The following GMIP variants were observed in gnomAD, a reference collection of about 807,000 sequenced individuals.
GMIP encodes the protein GEM-interacting protein.
Under a neutral mutation model 105.3 loss-of-function variants are expected in GMIP, and 54 were observed. The ratio of observed to expected loss-of-function variants is 0.51; its 90% CI spans 0.41 to 0.64. The LOEUF (loss-of-function observed/expected upper bound fraction) is 0.64, where lower values mean the gene tolerates loss of function less well. GMIP is among the 30% of genes least tolerant of loss of function. GMIP has a pLI of 0.00. For synonymous variants in GMIP, 541 were observed against 560.8 expected (o/e 0.96, Z 0.50); for missense variants, 1,110 against 1,319.4 (o/e 0.84, Z 2.46).
chr19:19,629,844 G>T lies in GMIP; in HGVS notation c.*119C>A. The T allele has an allele frequency of 1.0e-6, 1 of 1,000,530 alleles. No individual in the cohort carries two copies. Among genetic ancestry groups the T allele is most frequent in the Non-Finnish European group, 1.4e-6 (1 of 691,260 alleles). The allele number at this position is 1,000,530 out of a possible 1,614,324, so 62.0% of individuals were successfully genotyped here. A position where few individuals can be genotyped will look rare whatever the true frequency, so the allele number is the denominator to read the frequency against. On this transcript the variant is annotated 3_prime_UTR_variant, in exon 21 of 21. Coordinates refer to ENST00000203556, the MANE Select transcript of GMIP (RefSeq NM_016573.4). ...TAGTTTTTCCTTATAGGAACCCTCT[G>T]GACCTCTCCCAGCATTGAACTCCTG...
chr19:19,637,531 C>A lies in GMIP; in HGVS notation c.958G>T (p.Ala320Ser). The change falls in exon 11 of 21, where the codon GCG (alanine) becomes TCG (serine). Residue 320 changes from alanine (A) to serine (S), a missense_variant. Ala to Ser is a moderately conservative substitution (Grantham distance 99). Around this residue, in one of 3 missense-constraint regions of GMIP, gnomAD observed 667 missense variants for 773.2 expected, o/e 0.86. Transcript: ENST00000203556. The surrounding 1 kb of genome is among the most constrained non-coding windows in gnomAD (Gnocchi z 6.7). ...GCGCGGGGGCCACGCTCTGCCTGCG[C>A]CCCCCGCAGCCCGAAGAGACTCAGC... ...VTLSLFGLRG[A>S]QAERGPRAFA... 2.6e-6 allele frequency: 4 copies of A among 1,532,596 alleles called. No individual in the cohort carries two copies. 94.9% of individuals were successfully genotyped at this position (1,532,596 alleles called of 1,614,324 possible).
Position 19,637,541 on chromosome 19 carries a change from C to G in GMIP, c.948G>C (p.Gly316=), listed in dbSNP as rs1187642300. Residue 316 remains glycine (G), a synonymous_variant, in exon 11 of 21, where the codon GGG becomes GGC. Coordinates refer to ENST00000203556, the MANE Select transcript of GMIP (RefSeq NM_016573.4). The surrounding 1 kb of genome is among the most constrained non-coding windows in gnomAD (Gnocchi z 6.7). ...CACGCTCTGCCTGCGCCCCCCGCAG[C>G]CCGAAGAGACTCAGCGTCACCTGCC... The part of the protein sequence containing the change: ...VLRRVTLSLF[G]LRGAQAERGP... 2 of 1,532,330 alleles carry G rather than the reference C, an allele frequency of 1.3e-6. No individual in the cohort carries two copies. The highest frequency in any genetic ancestry group is 1.7e-6 in the Non-Finnish European group (2 of 1,143,066). 94.9% of individuals were successfully genotyped at this position (1,532,330 alleles called of 1,614,324 possible). A position where few individuals can be genotyped will look rare whatever the true frequency, so the allele number is the denominator to read the frequency against.
intron 4 of GMIP, 133 bp downstream of exon 4, chr19:19,641,677 T>G: frequency 4.0e-5 from 30 of 741,170 alleles, no homozygotes; most frequent in Middle Eastern, 3.6e-4. Flanking sequence ...GGGCTGGGAC[T>G]GAGATCTGTT....
intron 13 of GMIP, among the ~76,000 whole-genome samples, chr19:19,636,386 G>A (rs992504445): frequency 6.6e-6 from 1 of 151,706 alleles, no homozygotes; most frequent in Admixed American, 6.6e-5. Flanking sequence ...CAGCCGGCGT[G>A]GTAGTGCACA....
rs2061862614 is a variant in GMIP, at chr19:19,637,041, G to A, written c.1125-12C>T. The A allele has an allele frequency of 1.3e-6, 2 of 1,527,706 alleles. No individual in the cohort carries two copies. The highest frequency in any genetic ancestry group is 2.7e-5 in the African/African-American group (2 of 72,750). The allele number at this position is 1,527,706 out of a possible 1,614,324, so 94.6% of individuals were successfully genotyped here. On this transcript the variant is annotated splice_polypyrimidine_tract_variant and intron_variant, in intron 11 of 20. Coordinates refer to ENST00000203556, the MANE Select transcript of GMIP (RefSeq NM_016573.4). The surrounding 1 kb of genome is among the most constrained non-coding windows in gnomAD (Gnocchi z 6.7). The stretch of plus-strand genomic sequence containing the variant: ...TGTCCAGAGGGGAGCTGAGAAGACA[G>A]AAGTTTGAAGGTTTGAATCCCAGGA...
Position 19,638,057 on chromosome 19 carries a change from C to T in GMIP, c.790G>A (p.Ala264Thr). The T allele has an allele frequency of 6.4e-7, 1 of 1,561,674 alleles. No homozygotes were observed. The highest frequency in any genetic ancestry group is 1.2e-5 in the South Asian group (1 of 84,896). ...TGGTACAGCGCCTCGGCCTCCTGCG[C>T]CTGGGGAAACGGGAGGCCAGGAGCG... ...RRSREEAQAK[A>T]QEAEALYQAC... Residue 264 changes from alanine (A) to threonine (T), a missense_variant and splice_region_variant, in exon 10 of 21, where the codon GCG becomes ACG. Coordinates refer to ENST00000203556, the MANE Select transcript of GMIP (RefSeq NM_016573.4).
At chr19:19,639,778 A>T (rs2144868002) in intron 7 of GMIP, among the ~76,000 whole-genome samples, 1 of 152,212 alleles carries the variant, frequency 6.6e-6, no homozygotes, top group Middle Eastern at 3.4e-3. Flanking sequence ...GAACCCAAGA[A>T]GCGGAGGTTG....
At position 19,637,299 on chromosome 19, in the gene GMIP, G is replaced by A. The variant is rs1209419520; in HGVS notation, c.1124+66C>T. On this transcript the variant is annotated intron_variant, in intron 11 of 20. Transcript: ENST00000203556. This position sits in a 1 kb window ranked among gnomAD's most constrained non-coding sequence, Gnocchi z 6.7. The stretch of plus-strand genomic sequence containing the variant: ...TTCTCTAACCTCGAGTAACCAGCCT[G>A]CGGTGCCAACAGCCTGGCATCGCGA... The A allele has an allele frequency of 9.0e-7, 1 of 1,112,152 alleles. No individual in the cohort carries two copies. Among genetic ancestry groups the A allele is most frequent in the African/African-American group, 1.6e-5 (1 of 62,208 alleles). The allele number at this position is 1,112,152 out of a possible 1,614,324, so 68.9% of individuals were successfully genotyped here. A position where few individuals can be genotyped will look rare whatever the true frequency, so the allele number is the denominator to read the frequency against.
rs927047879 is a variant in GMIP, at chr19:19,635,986, A to G, written c.1328-265T>C. Among the ~76,000 whole-genome samples, 11 of 150,642 alleles carry G rather than the reference A, an allele frequency of 7.3e-5. 1 individual carries two copies. Among genetic ancestry groups the G allele is most frequent in the Non-Finnish European group, 1.6e-4 (11 of 67,616 alleles). The stretch of plus-strand genomic sequence containing the variant: ...TGGGAAGCTGAGGCAGGAGGATCAC[A>G]TGAGGCAAGGAGTTTGACACCAGCC... On this transcript the variant is annotated intron_variant, in intron 13 of 20. Transcript: ENST00000203556. This position sits in a 1 kb window ranked among gnomAD's most constrained non-coding sequence, Gnocchi z 4.7.
rs1299194168 is a variant in GMIP at position 19,636,977 on chromosome 19, C to T, written c.1177G>A (p.Asp393Asn). The change falls in exon 12 of 21, where the codon GAT becomes AAT. Residue 393 changes from aspartate (D) to asparagine (N), a missense_variant. Around this residue, in one of 3 missense-constraint regions of GMIP, gnomAD observed 667 missense variants for 773.2 expected, o/e 0.86. Transcript: ENST00000203556. ...KLSGPLPPRLDENSAEPGPWE... is the reference protein window; with the variant it reads ...KLSGPLPPRLNENSAEPGPWE... ...GGGCCTGGCTCAGCTGAATTCTCAT[C>T]CAGCCTTGGAGGAAGAGGCCCAGAG... 8.8e-6 allele frequency: 14 copies of T among 1,585,032 alleles called. No homozygotes were observed. The highest frequency in any genetic ancestry group is 5.4e-5 in the African/African-American group (4 of 74,366).
rs527954119 is a variant in GMIP at position 19,630,798 on chromosome 19, G to A, written c.2473-261C>T. On this transcript the variant is annotated intron_variant, in intron 19 of 20. Transcript: ENST00000203556. This position sits in a 1 kb window ranked among gnomAD's most constrained non-coding sequence, Gnocchi z 4.8. ...TGACTTTGCACCTACTCTGCACTGG[G>A]TGTGGACTACCATTGAACTCCTCCT... 4.6e-5 allele frequency among the ~76,000 whole-genome samples: 7 copies of A among 152,322 alleles called. No homozygotes were observed. Among genetic ancestry groups the A allele is most frequent in the African/African-American group, 1.7e-4 (7 of 41,576 alleles).
chr19:19,633,853 G>A lies in GMIP; in HGVS notation c.2422C>T (p.Pro808Ser). 6.7e-7 allele frequency: 1 copy of A among 1,501,044 alleles called. No homozygotes were observed. 93.0% of individuals were successfully genotyped at this position (1,501,044 alleles called of 1,614,324 possible). ...TGCTCCAGGGTACTGTGGTGCTGGG[G>A]GTCTGGGCCGGGGTCTGAGGCTAGG... ...PVLASDPGPD[P>S]QHHSTLEQHP... The change falls in exon 19 of 21, where the codon CCC becomes TCC. Residue 808 changes from proline (P) to serine (S), a missense_variant. Physicochemically the swap from Pro to Ser is moderately conservative, Grantham distance 74. Around this residue, in one of 3 missense-constraint regions of GMIP, gnomAD observed 394 missense variants for 450.5 expected, o/e 0.87. Transcript: ENST00000203556.
At chr19:19,643,278 G>T (rs1007093402) in intron 1 of GMIP, 2 of 470,966 alleles carry the variant, frequency 4.2e-6, no homozygotes, top group Non-Finnish European at 3.9e-6. Context: ...CCCCTTCCTG[G>T]GCCCCCTCCC....
At position 19,634,458 on chromosome 19, in the gene GMIP, A is replaced by G. The variant is rs1369928623; in HGVS notation, c.2084+49T>C. The G allele has an allele frequency of 6.7e-7, 1 of 1,484,840 alleles. No homozygotes were observed. The allele number at this position is 1,484,840 out of a possible 1,614,324, so 92.0% of individuals were successfully genotyped here. A position where few individuals can be genotyped will look rare whatever the true frequency, so the allele number is the denominator to read the frequency against. On this transcript the variant is annotated intron_variant, in intron 18 of 20. Transcript: ENST00000203556. The surrounding 1 kb of genome is among the most constrained non-coding windows in gnomAD (Gnocchi z 6.1). The stretch of plus-strand genomic sequence containing the variant: ...GTCAGCCAGGGAAGTTAGTAGTCGC[A>G]TGTCCAGGGAAAAGGGTCGCGTTTC...
At chr19:19,633,408 C>T in intron 19 of GMIP, among the ~76,000 whole-genome samples, 1 of 152,220 alleles carries the variant, frequency 6.6e-6, no homozygotes, top group Non-Finnish European at 1.5e-5. Flanking sequence ...CACCTCATCA[C>T]ATTCCAGATA....
Position 19,641,967 on chromosome 19 carries a change from C to T in GMIP, c.180+9G>A. The T allele has an allele frequency of 6.2e-7, 1 of 1,610,022 alleles. No homozygotes were observed. The highest frequency in any genetic ancestry group is 8.5e-7 in the Non-Finnish European group (1 of 1,176,372). The stretch of plus-strand genomic sequence containing the variant: ...GGTCTTCCTCCCTGTTCCCCTACTC[C>T]CCACTCACAACAGTGGCTGTAGGGG... On this transcript the variant is annotated intron_variant, in intron 3 of 20. Coordinates refer to ENST00000203556, the MANE Select transcript of GMIP (RefSeq NM_016573.4).
At chr19:19,639,522 A>G (rs766167852) in intron 7 of GMIP, among the ~76,000 whole-genome samples, 1 of 151,680 alleles carries the variant, frequency 6.6e-6, no homozygotes, top group Non-Finnish European at 1.5e-5. Flanking sequence ...TCCTGAGAAC[A>G]CTCAGCACCT....
Position 19,634,498 on chromosome 19 carries a change from C to G in GMIP, c.2084+9G>C. The stretch of plus-strand genomic sequence containing the variant: ...GGTCGCGTTTCAAGGCTCAGGGACC[C>G]ATGCACACCTGAACAGATGGGCCAC... On this transcript the variant is annotated intron_variant, in intron 18 of 20. Coordinates refer to ENST00000203556, the MANE Select transcript of GMIP (RefSeq NM_016573.4). The surrounding 1 kb of genome is among the most constrained non-coding windows in gnomAD (Gnocchi z 6.1). 1 of 1,595,400 alleles carries G rather than the reference C, an allele frequency of 6.3e-7. No homozygotes were observed. The highest frequency in any genetic ancestry group is 2.2e-5 in the East Asian group (1 of 44,840).
intron 19 of GMIP, among the ~76,000 whole-genome samples, chr19:19,631,208 A>G (rs549954187): frequency 6.6e-6 from 1 of 152,180 alleles, no homozygotes; most frequent in South Asian, 2.1e-4. Flanking sequence ...CTCAAAAATA[A>G]TAATAAGTGT....
Sources: allele counts gnomAD v4.1 joint callset (sites outside exome capture counted in the v4.1 genomes callset), GRCh38; gene constraint gnomAD v4.1.1; regional missense constraint gnomAD v4.1.1; non-coding constraint Gnocchi (gnomAD v3.1); transcripts MANE v1.5; gene names NCBI Gene and HGNC (gene_info 2026-07-23, HGNC 2026-07-21).